PTPRQ: variants seen among roughly 807,000 people sequenced by gnomAD.
PTPRQ encodes the protein protein tyrosine phosphatase receptor type Q, also known as phosphatidylinositol phosphatase PTPRQ.
PTPRQ carries 199 observed loss-of-function variants against 246.0 expected under a neutral mutation model. The observed-to-expected ratio is 0.81, with a 90% CI of 0.72 to 0.91. The LOEUF is 0.91. Ranked by LOEUF, PTPRQ falls within the 40% of genes least tolerant of loss-of-function variation. The probability of loss-of-function intolerance (pLI) is 0.00; values close to 1 mark genes in which losing one functional copy is unlikely to be tolerated. For missense variants in PTPRQ, 2,624 were observed against 2,528.4 expected (o/e 1.04, Z -0.81); for synonymous variants, 869 against 853.2 (o/e 1.02, Z -0.32).
chr12:80,533,886 C>T (rs1895912645), intron 17 of PTPRQ, 129 bp from the exon 18 acceptor site: 1 of 647,358 alleles, frequency 1.5e-6, no homozygotes, highest in Admixed American at 4.3e-5. Flanking sequence ...GGATAACCAA[C>T]ATCTTTTTTC....
chr12:80,501,826 G>A (rs1450577473), intron 14 of PTPRQ, among the ~76,000 whole-genome samples: 1 of 151,816 alleles, frequency 6.6e-6, no homozygotes, highest in Non-Finnish European at 1.5e-5. Context: ...AGTAAGATGG[G>A]GCATACAATT....
intron 9 of PTPRQ, 123 bp downstream of exon 9, chr12:80,484,728 T>A: frequency 8.5e-7 from 1 of 1,182,932 alleles, no homozygotes; most frequent in Non-Finnish European, 1.1e-6. Context: ...CAAAGTAAAG[T>A]AAATTTGGGG....
At chr12:80,563,978 G>C (rs982035746) in intron 25 of PTPRQ, among the ~76,000 whole-genome samples, 2 of 151,856 alleles carry the variant, frequency 1.3e-5, no homozygotes, top group Non-Finnish European at 2.9e-5. Context: ...TTTTTGAGTA[G>C]ACTAGCAGTT....
chr12:80,610,257 ATAAT>A (rs1294353494), intron 27 of PTPRQ, among the ~76,000 whole-genome samples, 178 bp from the exon 28 acceptor site: 4 of 150,564 alleles, frequency 2.7e-5, no homozygotes, highest in African/African-American at 4.8e-5. Flanking sequence ...AACTATTAAA[ATAAT>A]TAATAATTAG....
At chr12:80,507,216 A>G (rs1417739222) in intron 16 of PTPRQ, among the ~76,000 whole-genome samples, 2 of 121,568 alleles carry the variant, frequency 1.6e-5, no homozygotes, top group African/African-American at 7.7e-5. Flanking sequence ...AATAAAGTCA[A>G]CTTTACTACT....
chr12:80,603,981 G>A (rs1898226740), intron 26 of PTPRQ, among the ~76,000 whole-genome samples: 1 of 151,512 alleles, frequency 6.6e-6, no homozygotes, highest in Non-Finnish European at 1.5e-5. Flanking sequence ...TTCTTTTAAA[G>A]CACTATAAAA....
chr12:80,603,902 T>C (rs1235507096), intron 26 of PTPRQ, among the ~76,000 whole-genome samples: 1 of 151,680 alleles, frequency 6.6e-6, no homozygotes, highest in African/African-American at 2.4e-5. Flanking sequence ...TCTTTTATGA[T>C]ACCTTGGTAA....
At chr12:80,625,743 C>A (rs77822784) in intron 33 of PTPRQ, among the ~76,000 whole-genome samples, 2,400 of 152,160 alleles carry the variant, frequency 0.016, 68 homozygotes, top group African/African-American at 0.054. Flanking sequence ...GGGAAGATAA[C>A]GTATGCATTA....
intron 9 of PTPRQ, among the ~76,000 whole-genome samples, chr12:80,490,410 G>A (rs1407500824): frequency 6.6e-6 from 1 of 151,942 alleles, no homozygotes; most frequent in African/African-American, 2.4e-5. Context: ...AATCAAGTTG[G>A]TTTATTCAGG....
intron 35 of PTPRQ, among the ~76,000 whole-genome samples, chr12:80,640,868 G>T (rs1899830679): frequency 6.6e-6 from 1 of 152,070 alleles, no homozygotes; most frequent in South Asian, 2.1e-4. Flanking sequence ...CTGAGAATTT[G>T]CTGTGTTCTC....
At chr12:80,622,255 T>G (rs1340974941) in intron 33 of PTPRQ, 121 bp downstream of exon 33, 2 of 849,816 alleles carry the variant, frequency 2.4e-6, no homozygotes, top group East Asian at 7.2e-5. Context: ...TAAATGTTAA[T>G]TAGCCTCTCT....
intron 26 of PTPRQ, among the ~76,000 whole-genome samples, chr12:80,601,305 T>A (rs1278504077): frequency 6.6e-6 from 1 of 151,834 alleles, no homozygotes; most frequent in Non-Finnish European, 1.5e-5. Context: ...TTCTCTTCTA[T>A]ATTTCCAGCA....
At chr12:80,455,041 C>T (rs577467644) in intron 3 of PTPRQ, among the ~76,000 whole-genome samples, 20 of 152,220 alleles carry the variant, frequency 1.3e-4, no homozygotes, top group African/African-American at 3.1e-4. Context: ...GGCATGGTGG[C>T]GAGTGCCTGT....
chr12:80,534,725 G>T (rs533191386), intron 18 of PTPRQ, among the ~76,000 whole-genome samples, 167 bp from the exon 19 acceptor site: 1 of 151,936 alleles, frequency 6.6e-6, no homozygotes, highest in African/African-American at 2.4e-5. Context: ...TATTAGAGGG[G>T]TGACCCAATG....
chr12:80,615,263 C>T (rs1004018296), intron 29 of PTPRQ, among the ~76,000 whole-genome samples: 2 of 150,734 alleles, frequency 1.3e-5, no homozygotes, highest in Non-Finnish European at 3.0e-5. Flanking sequence ...ATTTTATGGT[C>T]TTGGTTTATT....
At chr12:80,621,089 T>A (rs1385184509) in intron 32 of PTPRQ, among the ~76,000 whole-genome samples, 1 of 151,898 alleles carries the variant, frequency 6.6e-6, no homozygotes, top group Non-Finnish European at 1.5e-5. Flanking sequence ...TGCTTTCATT[T>A]GTGCCTGTTA....
At chr12:80,477,827 T>G (rs772995271) in intron 8 of PTPRQ, among the ~76,000 whole-genome samples, 4 of 152,116 alleles carry the variant, frequency 2.6e-5, no homozygotes, top group Non-Finnish European at 5.9e-5. Context: ...CTGACGGGCT[T>G]AAAAAACGGC....
intron 26 of PTPRQ, among the ~76,000 whole-genome samples, chr12:80,596,495 A>G (rs536749059): frequency 1.1e-3 from 162 of 152,134 alleles, no homozygotes; most frequent in Non-Finnish European, 1.8e-3. Flanking sequence ...TTTTCTCCCC[A>G]TTAATAGCTT....
chr12:80,573,352 G>A (rs1188990583), intron 25 of PTPRQ, among the ~76,000 whole-genome samples: 2 of 152,068 alleles, frequency 1.3e-5, no homozygotes, highest in East Asian at 1.9e-4. Context: ...AGCCGGGCAT[G>A]GTGGCGGGCG....
Sources: allele counts gnomAD v4.1 joint callset (sites outside exome capture counted in the v4.1 genomes callset), GRCh38; gene constraint gnomAD v4.1.1; transcripts MANE v1.5; gene names NCBI Gene and HGNC (gene_info 2026-07-23, HGNC 2026-07-21).